Variants in FRMPD3 observed in about 807,000 individuals in gnomAD.
The protein encoded by FRMPD3 is FERM and PDZ domain containing 3, also known as FERM and PDZ domain-containing protein 3.
A neutral mutation model predicts 97.9 loss-of-function variants in FRMPD3; 42 were observed. The observed-to-expected ratio is 0.43, with a 90% CI of 0.34 to 0.55. The LOEUF (loss-of-function observed/expected upper bound fraction) is 0.55. Ranked by LOEUF, FRMPD3 falls within the 20% of genes least tolerant of loss-of-function variation. The pLI is 0.03. For synonymous variants in FRMPD3, 577 were observed against 581.1 expected, an observed-to-expected ratio of 0.99 and a Z score of 0.10; for missense variants, 1,303 against 1,457.7, an observed-to-expected ratio of 0.89 and a Z score of 1.73.
Position 107,522,163 on chromosome X carries a change from G to A in FRMPD3, c.-7-4419G>A, listed in dbSNP as rs886738229. Among the ~76,000 whole-genome samples the A allele has an allele frequency of 5.4e-5, 6 of 111,331 alleles. No individual in the cohort carries two copies. In the Admixed American group the frequency reaches 5.7e-4, roughly 11 times the overall value. The stretch of plus-strand genomic sequence containing the variant: ...TGCGGGGCTGTCTCTTAGAGGCAAG[G>A]AGTTGGGGGTAGGGCTTCGGCTGTG... On this transcript the variant is annotated intron_variant, in intron 1 of 14. Coordinates refer to ENST00000683843, the MANE Select transcript of FRMPD3 (RefSeq NM_001388459.1).
intron 12 of FRMPD3, among the ~76,000 whole-genome samples, chrX:107,568,905 AAG>A (rs112583276): frequency 0.034 from 3,507 of 102,862 alleles, 166 homozygotes; most frequent in African/African-American, 0.12. Context: ...ACAAAAATGA[AAG>A]AGAGAGAGAG....
Position 107,467,381 on chromosome X carries a change from C to T in FRMPD3, c.-8+17376C>T, listed in dbSNP as rs1191502010. Among the ~76,000 whole-genome samples, 4 of 111,227 alleles carry T rather than the reference C, an allele frequency of 3.6e-5. No individual in the cohort carries two copies. In the Admixed American group the frequency reaches 3.8e-4, roughly 11 times the overall value. On this transcript the variant is annotated intron_variant, in intron 1 of 14. Coordinates refer to ENST00000683843, the MANE Select transcript of FRMPD3 (RefSeq NM_001388459.1). ...CTCCAACACCTCCCCCCACTGACCACGTTCACAGTCCATAGGCACAGGCTC... is the reference window on the plus strand; with the variant it reads ...CTCCAACACCTCCCCCCACTGACCATGTTCACAGTCCATAGGCACAGGCTC...
At chrX:107,561,705 C>T (rs1173962884) in intron 10 of FRMPD3, among the ~76,000 whole-genome samples, 1 of 112,616 alleles carries the variant, frequency 8.9e-6, no homozygotes, top group Non-Finnish European at 1.9e-5. Flanking sequence ...CCATACATTC[C>T]TCCCATTCCA....
intron 1 of FRMPD3, among the ~76,000 whole-genome samples, chrX:107,495,549 C>A (rs1471211745): frequency 1.8e-5 from 2 of 112,085 alleles, no homozygotes; most frequent in African/African-American, 6.5e-5. Context: ...TGACAAGTGA[C>A]TGAATATGCA....
chrX:107,459,502 A>G (rs747726784), intron 1 of FRMPD3, among the ~76,000 whole-genome samples: 1 of 111,800 alleles, frequency 8.9e-6, no homozygotes, highest in East Asian at 2.8e-4. Context: ...TGCCTGCTAA[A>G]TTGCCTCCCC....
intron 13 of FRMPD3, among the ~76,000 whole-genome samples, chrX:107,595,490 C>A (rs1270105721): frequency 9.0e-6 from 1 of 111,204 alleles, no homozygotes. Flanking sequence ...TTATTCACAA[C>A]AGTGTTCCAT....
At chrX:107,566,819 C>A (rs749611191) in intron 12 of FRMPD3, among the ~76,000 whole-genome samples, 1 of 112,344 alleles carries the variant, frequency 8.9e-6, no homozygotes, top group African/African-American at 3.2e-5. Context: ...ATTACCAGAG[C>A]TCTGGGAGGA....
At chrX:107,510,394 A>T (rs1159211460) in intron 1 of FRMPD3, among the ~76,000 whole-genome samples, 1 of 110,840 alleles carries the variant, frequency 9.0e-6, no homozygotes, top group African/African-American at 3.3e-5. Context: ...GTAGGATGCA[A>T]TCTTCTTCCC....
intron 1 of FRMPD3, among the ~76,000 whole-genome samples, chrX:107,487,171 T>C (rs1921527934): frequency 1.8e-5 from 2 of 110,912 alleles, no homozygotes; most frequent in South Asian, 7.7e-4. Context: ...GGAGAATTGC[T>C]TGAACCCTGG....
chrX:107,515,741 T>G (rs768561800), intron 1 of FRMPD3, among the ~76,000 whole-genome samples: 1 of 111,504 alleles, frequency 9.0e-6, no homozygotes, highest in Non-Finnish European at 1.9e-5. Flanking sequence ...AGCATGATTC[T>G]GGAGCGGTGG....
intron 1 of FRMPD3, among the ~76,000 whole-genome samples, chrX:107,464,979 G>C (rs191731879): frequency 8.9e-6 from 1 of 111,743 alleles, no homozygotes; most frequent in Non-Finnish European, 1.9e-5. Flanking sequence ...GAAGTGACTC[G>C]TTCATGCACA....
At chrX:107,464,568 C>T (rs913153547) in intron 1 of FRMPD3, among the ~76,000 whole-genome samples, 1 of 111,441 alleles carries the variant, frequency 9.0e-6, no homozygotes, top group African/African-American at 3.3e-5. Flanking sequence ...ATTTGTAAGG[C>T]TGCCTCTTAG....
At chrX:107,561,220 C>G (rs775084023) in intron 10 of FRMPD3, among the ~76,000 whole-genome samples, 2 of 111,837 alleles carry the variant, frequency 1.8e-5, no homozygotes, top group African/African-American at 6.5e-5. Flanking sequence ...AATGACTAGG[C>G]TGGTGTGGTG....
At chrX:107,596,602 G>A (rs764590400) in intron 13 of FRMPD3, among the ~76,000 whole-genome samples, 2 of 112,062 alleles carry the variant, frequency 1.8e-5, no homozygotes, top group East Asian at 5.6e-4. Context: ...GGTAGGGCTG[G>A]CCCTGCATGA....
chrX:107,581,064 C>T (rs1408367915), intron 13 of FRMPD3, among the ~76,000 whole-genome samples: 1 of 111,351 alleles, frequency 9.0e-6, no homozygotes, highest in Non-Finnish European at 1.9e-5. Flanking sequence ...TGAGATAAAC[C>T]ACCTAAAGTC....
chrX:107,532,172 T>C (rs1300593891), intron 3 of FRMPD3, among the ~76,000 whole-genome samples: 1 of 112,796 alleles, frequency 8.9e-6, no homozygotes, highest in Non-Finnish European at 1.9e-5. Context: ...AGAAAGTAGA[T>C]CTAGGTAAAG....
chrX:107,524,210 G>C (rs1389626175), intron 1 of FRMPD3, among the ~76,000 whole-genome samples: 1 of 112,521 alleles, frequency 8.9e-6, no homozygotes, highest in Non-Finnish European at 1.9e-5. Flanking sequence ...CTTCAAGGAC[G>C]AGCTCCTGCC....
chrX:107,597,263 A>T lies in FRMPD3; in HGVS notation c.1442-58A>T. The T allele has an allele frequency of 3.0e-6, 3 of 996,421 alleles. No individual in the cohort carries two copies. In the South Asian group the frequency reaches 6.6e-5, roughly 22 times the overall value. 82.1% of individuals were successfully genotyped at this position (996,421 alleles called of 1,213,427 possible). A position where few individuals can be genotyped will look rare whatever the true frequency, so the allele number is the denominator to read the frequency against. On this transcript the variant is annotated intron_variant, in intron 13 of 14. Transcript: ENST00000683843. ...AGACATGGGCCAGAGACAACAAGGG[A>T]GCTCATTCACAATCCTTGGCACCAG...
In FRMPD3 at chrX:107,568,486, G is replaced by A. The variant is rs772936947; in HGVS notation, c.1296+3420G>A. Among the ~76,000 whole-genome samples, 3 of 96,079 alleles carry A rather than the reference G, an allele frequency of 3.1e-5. No individual in the cohort carries two copies. The South Asian group carries it at 1.6e-3, about 52-fold the overall frequency. 83.4% of individuals were successfully genotyped at this position (96,079 alleles called of 115,157 possible). A position where few individuals can be genotyped will look rare whatever the true frequency, so the allele number is the denominator to read the frequency against. On this transcript the variant is annotated intron_variant, in intron 12 of 14. Transcript: ENST00000683843. ...GCATTTTGGGAGGCCAAGGGAGGCAGATCACTTGAAGTCAGGAGTTCGAAA... is the reference window on the plus strand; with the variant it reads ...GCATTTTGGGAGGCCAAGGGAGGCAAATCACTTGAAGTCAGGAGTTCGAAA...
Sources: allele counts gnomAD v4.1 joint callset (sites outside exome capture counted in the v4.1 genomes callset), GRCh38; gene constraint gnomAD v4.1.1; transcripts MANE v1.5; gene names NCBI Gene and HGNC (gene_info 2026-07-23, HGNC 2026-07-21).